The following TMEM135 variants were observed in gnomAD, a reference collection of about 807,000 sequenced individuals.
TMEM135 encodes the protein transmembrane protein 135, also known as peroxisomal membrane protein 52.
TMEM135 carries 30 observed loss-of-function variants against 60.3 expected under a neutral mutation model. The ratio of observed to expected loss-of-function variants is 0.50; its 90% CI spans 0.37 to 0.68. The LOEUF (loss-of-function observed/expected upper bound fraction) is 0.68. Among genes scored for constraint, TMEM135 ranks in the 30% least tolerant of loss-of-function variants. The probability of loss-of-function intolerance (pLI) is 0.00; values close to 1 mark genes in which losing one functional copy is unlikely to be tolerated. For synonymous variants in TMEM135, 190 were observed against 186.7 expected, an observed-to-expected ratio of 1.02 and a Z score of -0.14; for missense variants, 468 against 548.8, an observed-to-expected ratio of 0.85 and a Z score of 1.47.
At chr11:87,069,284 CAAAAAAAAAAA>C (rs778885228) in intron 2 of TMEM135, among the ~76,000 whole-genome samples, 1 of 62,550 alleles carries the variant, frequency 1.6e-5, no homozygotes, top group Non-Finnish European at 3.0e-5. Flanking sequence ...GACTCCGTCT[CAAAAAAAAAAA>C]AAAAAAAAAA....
At chr11:87,059,218 G>A (rs1015596883) in intron 1 of TMEM135, among the ~76,000 whole-genome samples, 9 of 151,490 alleles carry the variant, frequency 5.9e-5, no homozygotes, top group Admixed American at 2.0e-4. Context: ...GTCAGCCACC[G>A]CGCCCAGCCG....
At chr11:87,139,936 C>G (rs1938216884) in intron 4 of TMEM135, among the ~76,000 whole-genome samples, 1 of 151,926 alleles carries the variant, frequency 6.6e-6, no homozygotes. Flanking sequence ...ATCTTTTGAT[C>G]ATTTCAATTT....
chr11:87,265,969 C>T (rs144615211), intron 6 of TMEM135, among the ~76,000 whole-genome samples: 1 of 152,114 alleles, frequency 6.6e-6, no homozygotes, highest in Non-Finnish European at 1.5e-5. Flanking sequence ...ATTAGCCTTA[C>T]AGCTAAAAGG....
intron 5 of TMEM135, among the ~76,000 whole-genome samples, chr11:87,201,167 G>GTTT (rs1444229405): frequency 2.8e-4 from 43 of 152,038 alleles, no homozygotes; most frequent in African/African-American, 1.0e-3. Flanking sequence ...AGATCATATT[G>GTTT]GTAGGAATTA....
intron 4 of TMEM135, among the ~76,000 whole-genome samples, chr11:87,150,872 AT>A (rs1256725937): frequency 6.6e-6 from 1 of 151,914 alleles, no homozygotes; most frequent in East Asian, 1.9e-4. Context: ...TTTACTCTGT[AT>A]TTTACTGCTT....
At chr11:87,052,989 A>T (rs1343669028) in intron 1 of TMEM135, among the ~76,000 whole-genome samples, 1 of 120,556 alleles carries the variant, frequency 8.3e-6, no homozygotes, top group Non-Finnish European at 1.7e-5. Flanking sequence ...CAGCCATAAA[A>T]AATGATGAGT....
At chr11:87,075,999 C>T (rs1565430485) in intron 3 of TMEM135, among the ~76,000 whole-genome samples, 8 of 152,188 alleles carry the variant, frequency 5.3e-5, no homozygotes, top group Admixed American at 5.2e-4. Context: ...TTGAAGCTAG[C>T]ACAGCAGTGG....
intron 4 of TMEM135, among the ~76,000 whole-genome samples, chr11:87,115,707 T>A (rs2512494): frequency 0.51 from 76,837 of 151,808 alleles, 19,804 homozygotes; most frequent in East Asian, 0.68. Context: ...TGTATGAGAA[T>A]TTACTTATAA....
chr11:87,255,396 C>A (rs1490121828), intron 6 of TMEM135, among the ~76,000 whole-genome samples: 1 of 152,146 alleles, frequency 6.6e-6, no homozygotes, highest in South Asian at 2.1e-4. Flanking sequence ...TGAAGCCAAA[C>A]AAGGTATCCA....
At chr11:87,207,057 C>T (rs567633338) in intron 5 of TMEM135, among the ~76,000 whole-genome samples, 1 of 152,234 alleles carries the variant, frequency 6.6e-6, no homozygotes, top group Admixed American at 6.5e-5. Context: ...TGGTAGCTAG[C>T]TACTACTATA....
chr11:87,157,410 AG>A lies in TMEM135; in HGVS notation c.462+5del. On this transcript the variant is annotated splice_donor_5th_base_variant and intron_variant, in intron 5 of 14. Coordinates refer to ENST00000305494, the MANE Select transcript of TMEM135 (RefSeq NM_022918.4). ...CACAACATTAAGAAATGGAGAAGTA[AG>A]ATGAGAATTTTGATATAGTTATTAG... 1 of 1,611,388 alleles carries A rather than the reference AG, an allele frequency of 6.2e-7. No homozygotes were observed. The highest frequency in any genetic ancestry group is 8.5e-7 in the Non-Finnish European group (1 of 1,177,788).
At chr11:87,201,417 C>T (rs1047760135) in intron 5 of TMEM135, among the ~76,000 whole-genome samples, 2 of 152,078 alleles carry the variant, frequency 1.3e-5, no homozygotes, top group African/African-American at 4.8e-5. Flanking sequence ...TCCTGTTTCA[C>T]TAAAGTTTTA....
chr11:87,328,236 C>A lies in TMEM135; in HGVS notation c.*6903C>A. On this transcript the variant is annotated 3_prime_UTR_variant, in exon 15 of 15. Transcript: ENST00000305494. ...TCCTTCTCTCTCTTGATTTAGAATT[C>A]TCTTTTTCTCCACTCTTCTGTGTAT... 1 of 454,044 alleles carries A rather than the reference C, an allele frequency of 2.2e-6. No individual in the cohort carries two copies. Among genetic ancestry groups the A allele is most frequent in the Non-Finnish European group, 4.4e-6 (1 of 226,784 alleles). 28.1% of individuals were successfully genotyped at this position (454,044 alleles called of 1,614,324 possible). A position where few individuals can be genotyped will look rare whatever the true frequency, so the allele number is the denominator to read the frequency against.
Position 87,314,524 on chromosome 11 carries a change from T to C in TMEM135, c.1054T>C (p.Tyr352His). 1 of 1,610,972 alleles carries C rather than the reference T, an allele frequency of 6.2e-7. No individual in the cohort carries two copies. Among genetic ancestry groups the C allele is most frequent in the Non-Finnish European group, 8.5e-7 (1 of 1,177,818 alleles). ...MFYKSTTISM[Y>H]LASKLVETMY... ...TTATAAAAGCACAACAATTTCCATG[T>C]ATTTAGCGTCCAAATTGGTAGAGGT... is the stretch of plus-strand genomic sequence containing the variant. Residue 352 changes from tyrosine to histidine, a missense_variant, in exon 12 of 15, where the codon TAT (tyrosine) becomes CAT (histidine). Coordinates refer to ENST00000305494, the MANE Select transcript of TMEM135 (RefSeq NM_022918.4).
At position 87,248,997 on chromosome 11, in the gene TMEM135, T is replaced by G. The variant is rs368272044; in HGVS notation, c.509+12313T>G. Among the ~76,000 whole-genome samples the G allele has an allele frequency of 4.6e-5, 7 of 152,164 alleles. 1 individual carries two copies. The highest frequency in any genetic ancestry group is 2.1e-4 in the South Asian group (1 of 4,830). On this transcript the variant is annotated intron_variant, in intron 6 of 14. Coordinates refer to ENST00000305494, the MANE Select transcript of TMEM135 (RefSeq NM_022918.4). ...TACTGAATTTGTTTATTCTAATAGT[T>G]TTTGGTAGAGTCTTTAGGTTTTTCC... is the stretch of plus-strand genomic sequence containing the variant.
chr11:87,103,947 A>G (rs1272205514), intron 4 of TMEM135, among the ~76,000 whole-genome samples: 2 of 151,974 alleles, frequency 1.3e-5, no homozygotes, highest in South Asian at 2.1e-4. Context: ...ATATAATCCC[A>G]TTTGTCTATT....
chr11:87,074,167 T>C (rs1265280599), intron 3 of TMEM135, among the ~76,000 whole-genome samples: 1 of 152,172 alleles, frequency 6.6e-6, no homozygotes, highest in Non-Finnish European at 1.5e-5. Context: ...GGTTTCGCCA[T>C]GTTGGCCAGG....
At chr11:87,238,930 CAT>C (rs1231086235) in intron 6 of TMEM135, among the ~76,000 whole-genome samples, 5 of 151,958 alleles carry the variant, frequency 3.3e-5, no homozygotes, top group Non-Finnish European at 7.4e-5. Context: ...CACTTAAAGA[CAT>C]ATGTGATTAA....
intron 4 of TMEM135, among the ~76,000 whole-genome samples, chr11:87,115,412 A>C (rs1440530113): frequency 6.6e-6 from 1 of 152,164 alleles, no homozygotes; most frequent in East Asian, 1.9e-4. Flanking sequence ...AAAGTAAAAT[A>C]AAGTGATTTT....
Sources: allele counts gnomAD v4.1 joint callset (sites outside exome capture counted in the v4.1 genomes callset), GRCh38; gene constraint gnomAD v4.1.1; transcripts MANE v1.5; gene names NCBI Gene and HGNC (gene_info 2026-07-23, HGNC 2026-07-21).